ROBO2: variants seen among roughly 807,000 people sequenced by gnomAD.
The protein encoded by ROBO2 is roundabout homolog 2.
In ROBO2, 53 loss-of-function variants were observed where a neutral mutation model predicts 160.8. The ratio of observed to expected loss-of-function variants is 0.33; its 90% confidence interval spans 0.26 to 0.41. The LOEUF (loss-of-function observed/expected upper bound fraction) is 0.41. Ranked by LOEUF, ROBO2 falls within the 10% of genes least tolerant of loss-of-function variation. The probability of loss-of-function intolerance (pLI) is 1.00; values close to 1 mark genes in which losing one functional copy is unlikely to be tolerated. For synonymous variants in ROBO2, 664 were observed against 611.7 expected, an observed-to-expected ratio of 1.09 and a Z score of -1.26; for missense variants, 1,577 against 1,722.4, an observed-to-expected ratio of 0.92 and a Z score of 1.49.
At chr3:76,718,220 C>T (rs951361819) in intron 2 of ROBO2, among the ~76,000 whole-genome samples, 3 of 152,192 alleles carry the variant, frequency 2.0e-5, no homozygotes, top group Non-Finnish European at 4.4e-5. Flanking sequence ...CTAATTGTCA[C>T]AGAAGCACAG....
chr3:77,019,233 CA>C (rs548429231), intron 2 of ROBO2, among the ~76,000 whole-genome samples: 179 of 152,204 alleles, frequency 1.2e-3, no homozygotes, highest in African/African-American at 3.9e-3. Flanking sequence ...AACAAACAGG[CA>C]GATTCAATGC....
intron 1 of ROBO2, among the ~76,000 whole-genome samples, chr3:77,059,791 C>T (rs1278836408): frequency 6.6e-6 from 1 of 152,096 alleles, no homozygotes; most frequent in East Asian, 1.9e-4. Flanking sequence ...CAGTGTAAAA[C>T]TCATACGTCA....
intron 2 of ROBO2, among the ~76,000 whole-genome samples, chr3:76,445,436 A>C (rs1283741233): frequency 6.6e-6 from 1 of 152,196 alleles, no homozygotes; most frequent in East Asian, 1.9e-4. Flanking sequence ...TTTTTCATTT[A>C]AAGCCAAGAC....
At chr3:76,191,503 C>CAGAA (rs3039239) in intron 2 of ROBO2, among the ~76,000 whole-genome samples, 148,021 of 152,102 alleles carry the variant, frequency 0.97, 72,153 homozygotes, top group South Asian at 1. Flanking sequence ...TAAAGCTTGT[C>CAGAA]AGAATATGTC....
chr3:76,718,141 C>G (rs1185350407), intron 2 of ROBO2, among the ~76,000 whole-genome samples: 1 of 152,142 alleles, frequency 6.6e-6, no homozygotes, highest in Non-Finnish European at 1.5e-5. Context: ...AGGATTATCT[C>G]TATAACAACT....
intron 2 of ROBO2, among the ~76,000 whole-genome samples, chr3:76,691,583 G>C (rs773436219): frequency 6.6e-6 from 1 of 152,162 alleles, no homozygotes; most frequent in Non-Finnish European, 1.5e-5. Context: ...GCTTCGATGA[G>C]AGAATGAATG....
intron 2 of ROBO2, among the ~76,000 whole-genome samples, chr3:76,528,936 T>C (rs1015295699): frequency 6.6e-6 from 1 of 152,120 alleles, no homozygotes; most frequent in Admixed American, 6.6e-5. Context: ...CAGTCTCATA[T>C]TCTGATAGGC....
chr3:77,289,714 G>C (rs1327002472), intron 2 of ROBO2, among the ~76,000 whole-genome samples: 1 of 151,584 alleles, frequency 6.6e-6, no homozygotes, highest in South Asian at 2.1e-4. Flanking sequence ...AAGTAAAATT[G>C]ACGGTTAAAC....
intron 23 of ROBO2, chr3:77,631,162 C>G (rs1228180601): frequency 6.6e-6 from 1 of 151,818 alleles, no homozygotes; most frequent in African/African-American, 2.4e-5. Flanking sequence ...TATCTCTGTG[C>G]TTTTGGCAAC....
intron 2 of ROBO2, among the ~76,000 whole-genome samples, chr3:77,149,034 ATTT>A (rs71104654): frequency 6.9e-4 from 87 of 126,076 alleles, no homozygotes; most frequent in Non-Finnish European, 9.2e-4. Context: ...GACAAAGTAA[ATTT>A]TTTTTTTTTT....
chr3:77,118,099 TG>T (rs1184297620), intron 2 of ROBO2, among the ~76,000 whole-genome samples: 1 of 152,336 alleles, frequency 6.6e-6, no homozygotes, highest in Non-Finnish European at 1.5e-5. Flanking sequence ...TACAGGTTAT[TG>T]TGGGCCATTA....
chr3:77,461,554 A>T (rs558618079), intron 2 of ROBO2, among the ~76,000 whole-genome samples: 1 of 152,020 alleles, frequency 6.6e-6, no homozygotes, highest in African/African-American at 2.4e-5. Flanking sequence ...AACATTAATG[A>T]TATTTTTGTT....
At chr3:76,027,949 G>A (rs1249494821) in intron 2 of ROBO2, among the ~76,000 whole-genome samples, 1 of 151,870 alleles carries the variant, frequency 6.6e-6, no homozygotes, top group African/African-American at 2.4e-5. Flanking sequence ...ACCTATTTTT[G>A]TTAGTCCATC....
At chr3:75,992,573 T>C (rs551612698) in intron 2 of ROBO2, among the ~76,000 whole-genome samples, 3 of 152,138 alleles carry the variant, frequency 2.0e-5, no homozygotes, top group Non-Finnish European at 4.4e-5. Context: ...GCTAGGAAAG[T>C]GCAGAAGGGA....
intron 2 of ROBO2, among the ~76,000 whole-genome samples, chr3:76,840,643 TTTTATATA>T (rs1457586684): frequency 1.9e-5 from 1 of 52,874 alleles, no homozygotes; most frequent in Admixed American, 2.4e-4. Context: ...ATTAATTATA[TTTTATATA>T]TATATATATA....
At chr3:77,413,646 A>G (rs1418244475) in intron 2 of ROBO2, among the ~76,000 whole-genome samples, 1 of 152,190 alleles carries the variant, frequency 6.6e-6, no homozygotes, top group East Asian at 1.9e-4. Context: ...GAATCAGCGG[A>G]GAGGTTAAGA....
At chr3:77,598,101 C>A (rs1014839483) in intron 19 of ROBO2, among the ~76,000 whole-genome samples, 3 of 152,074 alleles carry the variant, frequency 2.0e-5, no homozygotes, top group Non-Finnish European at 4.4e-5. Context: ...GATTTCTGCA[C>A]TTTTAGAATT....
intron 1 of ROBO2, among the ~76,000 whole-genome samples, chr3:77,071,944 C>T (rs1437671070): frequency 6.6e-6 from 1 of 152,100 alleles, no homozygotes; most frequent in African/African-American, 2.4e-5. Flanking sequence ...AACCCCTGGG[C>T]CCCGGACCAG....
In ROBO2 at chr3:76,541,584, C is replaced by T. The variant is rs114484013; in HGVS notation, c.110-556430C>T. ...GTGAGAATTGGCATAGGAGAGCCCA[C>T]AGCCTTCAGATGGCAAAGAGAGAAG... is the stretch of plus-strand genomic sequence containing the variant. On this transcript the variant is annotated intron_variant, in intron 2 of 26. Transcript: ENST00000487694. Among the ~76,000 whole-genome samples, 932 of 152,294 alleles carry T rather than the reference C, an allele frequency of 6.1e-3. 6 individuals are homozygous for T. The highest frequency in any genetic ancestry group is 0.022 in the African/African-American group (904 of 41,564).
Sources: allele counts gnomAD v4.1 joint callset (sites outside exome capture counted in the v4.1 genomes callset), GRCh38; gene constraint gnomAD v4.1.1; transcripts MANE v1.5; gene names NCBI Gene and HGNC (gene_info 2026-07-23, HGNC 2026-07-21).